WNT7A: variants seen among roughly 807,000 people sequenced by gnomAD.
WNT7A encodes protein Wnt-7a.
WNT7A carries 16 observed loss-of-function variants against 28.2 expected under a neutral mutation model. That is an observed-to-expected ratio of 0.57 (90% confidence interval 0.38 to 0.86). WNT7A has a LOEUF of 0.86. Among genes scored for constraint, WNT7A ranks in the 40% least tolerant of loss-of-function variants. WNT7A has a pLI of 0.00. For synonymous variants in WNT7A, 190 were observed against 195.9 expected, an observed-to-expected ratio of 0.97 and a Z score of 0.25; for missense variants, 411 against 489.7, an observed-to-expected ratio of 0.84 and a Z score of 1.52.
At chr3:13,852,475 G>T (rs536547776) in intron 3 of WNT7A, among the ~76,000 whole-genome samples, 1 of 152,182 alleles carries the variant, frequency 6.6e-6, no homozygotes, top group Non-Finnish European at 1.5e-5. Flanking sequence ...AGTAAATGGC[G>T]TGTTGCAAAA....
At chr3:13,860,295 G>T (rs1238196333) in intron 2 of WNT7A, among the ~76,000 whole-genome samples, 1 of 152,158 alleles carries the variant, frequency 6.6e-6, no homozygotes, top group Non-Finnish European at 1.5e-5. Flanking sequence ...AAGTTGGTCT[G>T]TGTCCTTCCT....
intron 3 of WNT7A, among the ~76,000 whole-genome samples, chr3:13,852,991 G>C (rs1694664329): frequency 6.6e-6 from 1 of 152,162 alleles, no homozygotes; most frequent in East Asian, 1.9e-4. Flanking sequence ...TGGGAGGGCT[G>C]TTCCTGCTCA....
Position 13,819,403 on chromosome 3 carries a change from C to A in WNT7A, c.591G>T (p.Lys197Asn), listed in dbSNP as rs745323554. 2 of 1,613,536 alleles carry A rather than the reference C, an allele frequency of 1.2e-6. No individual in the cohort carries two copies. Among genetic ancestry groups the A allele is most frequent in the Non-Finnish European group, 8.5e-7 (1 of 1,179,960 alleles). The change falls in exon 4 of 4, where the codon AAG (lysine) becomes AAT (asparagine). Residue 197 changes from lysine (K) to asparagine (N), a missense_variant. Coordinates refer to ENST00000285018, the MANE Select transcript of WNT7A (RefSeq NM_004625.4). ...AGRKILEENM[K>N]LECKCHGVSG... ...ACACGCCGTGGCACTTACATTCCAG[C>A]TTCATGTTCTCCTCCAGGATCTGCA...
At chr3:13,827,478 T>C (rs1027434511) in intron 3 of WNT7A, among the ~76,000 whole-genome samples, 2 of 152,278 alleles carry the variant, frequency 1.3e-5, no homozygotes, top group East Asian at 1.9e-4. Context: ...CCGGAATTAC[T>C]CAGGGTGGGG....
rs760406831 is a variant in WNT7A, at chr3:13,818,954, G to C, written c.1040C>G (p.Thr347Arg). The stretch of plus-strand genomic sequence containing the variant: ...GTGTGCACACGGGGCTCACTTGCAC[G>C]TGTACATCTCCGTGCGCTCGCTGCA... ...NTCSERTEMY[T>R]CK is the part of the protein sequence containing the mutation. The change falls in exon 4 of 4, where the codon ACG becomes AGG. Residue 347 changes from threonine (T) to arginine (R), a missense_variant. Thr to Arg is a moderately conservative substitution (Grantham distance 71). Transcript: ENST00000285018. 6.3e-7 allele frequency: 1 copy of C among 1,575,508 alleles called. No individual in the cohort carries two copies. The highest frequency in any genetic ancestry group is 8.7e-7 in the Non-Finnish European group (1 of 1,155,120).
At position 13,879,742 on chromosome 3, in the gene WNT7A, T is replaced by A. The variant is rs878989052; in HGVS notation, c.71+4A>T. 1 of 1,611,770 alleles carries A rather than the reference T, an allele frequency of 6.2e-7. No homozygotes were observed. The highest frequency in any genetic ancestry group is 1.1e-5 in the South Asian group (1 of 90,808). ...CGCGCGGAAAGGGCGCAGGCAGCCC[T>A]TACCCGATCCGGAGGTAGACCATGC... On this transcript the variant is annotated splice_donor_region_variant and intron_variant, in intron 1 of 3. Transcript: ENST00000285018.
chr3:13,831,023 G>T (rs575626209), intron 3 of WNT7A, among the ~76,000 whole-genome samples: 15 of 152,266 alleles, frequency 9.9e-5, no homozygotes, highest in African/African-American at 1.7e-4. Context: ...GGAAGGAGGC[G>T]CTCATAATCA....
In WNT7A at chr3:13,819,248, G is replaced by A; in HGVS notation, c.746C>T (p.Pro249Leu). The A allele has an allele frequency of 6.2e-7, 1 of 1,614,248 alleles. No individual in the cohort carries two copies. Among genetic ancestry groups the A allele is most frequent in the Admixed American group, 1.7e-5 (1 of 60,038 alleles). The change falls in exon 4 of 4, where the codon CCC (proline) becomes CTC (leucine). Residue 249 changes from proline to leucine, a missense_variant. By Grantham distance (98) the Pro-to-Leu change is moderately conservative. Coordinates refer to ENST00000285018, the MANE Select transcript of WNT7A (RefSeq NM_004625.4). The part of the protein sequence containing the change: ...EPVRASRNKR[P>L]TFLKIKKPLS... ...TGGCTTCTTGATCTTCAGGAAGGTG[G>A]GCCGCTTGTTGCGGCTGGCACGCAC...
At chr3:13,846,320 G>C (rs1314651795) in intron 3 of WNT7A, among the ~76,000 whole-genome samples, 1 of 152,212 alleles carries the variant, frequency 6.6e-6, no homozygotes, top group Admixed American at 6.5e-5. Flanking sequence ...AGGATCAGGA[G>C]ACTGTGGGGA....
chr3:13,823,004 A>T (rs1302609589), intron 3 of WNT7A, among the ~76,000 whole-genome samples: 1 of 152,228 alleles, frequency 6.6e-6, no homozygotes, highest in East Asian at 1.9e-4. Flanking sequence ...GGCTCCGATC[A>T]GGTGACATCC....
rs2124823267 is a variant in WNT7A, at chr3:13,818,798, A to G, written c.*146T>C. On this transcript the variant is annotated 3_prime_UTR_variant, in exon 4 of 4. Transcript: ENST00000285018. The stretch of plus-strand genomic sequence containing the variant: ...GGCTCTGAGAGATTTTTTTTCCCCC[A>G]CGGATGCCTGCAGGAAACCCAGGAA... 2.4e-6 allele frequency: 3 copies of G among 1,268,850 alleles called. No individual in the cohort carries two copies. The highest frequency in any genetic ancestry group is 3.3e-5 in the South Asian group (2 of 61,488). The allele number at this position is 1,268,850 out of a possible 1,614,324, so 78.6% of individuals were successfully genotyped here.
rs1694057926 is a variant in WNT7A, at chr3:13,818,725, G to T, written c.*219C>A. On this transcript the variant is annotated 3_prime_UTR_variant, in exon 4 of 4. Transcript: ENST00000285018. ...CCAGCCGCGGAGGGACCTGGGCTGT[G>T]TCTGGGGGAGGGTGGAGCAGCATTG... 3.1e-6 allele frequency: 2 copies of T among 655,726 alleles called. No homozygotes were observed. The highest frequency in any genetic ancestry group is 5.9e-5 in the South Asian group (2 of 33,878). The allele number at this position is 655,726 out of a possible 1,614,324, so 40.6% of individuals were successfully genotyped here.
At chr3:13,863,764 CA>C (rs1398979553) in intron 2 of WNT7A, 1 of 152,200 alleles carries the variant, frequency 6.6e-6, no homozygotes, top group African/African-American at 2.4e-5. Flanking sequence ...GAAAGGTCTT[CA>C]AATCCATCCT....
At chr3:13,825,460 C>T (rs9810066) in intron 3 of WNT7A, among the ~76,000 whole-genome samples, 2,008 of 152,162 alleles carry the variant, frequency 0.013, 47 homozygotes, top group African/African-American at 0.046. Context: ...AACTGGCTCT[C>T]GAAAGAAAAA....
At chr3:13,823,709 C>A (rs1293267159) in intron 3 of WNT7A, among the ~76,000 whole-genome samples, 1 of 152,186 alleles carries the variant, frequency 6.6e-6, no homozygotes, top group Admixed American at 6.5e-5. Flanking sequence ...GCTGAGATAT[C>A]ACAATATATG....
intron 2 of WNT7A, among the ~76,000 whole-genome samples, chr3:13,874,405 G>A (rs896548392): frequency 4.8e-4 from 73 of 152,238 alleles, no homozygotes; most frequent in African/African-American, 1.7e-3. Context: ...CCATAAAACA[G>A]TTGCAAAGTC....
Position 13,818,774 on chromosome 3 carries a change from G to A in WNT7A, c.*170C>T. On this transcript the variant is annotated 3_prime_UTR_variant, in exon 4 of 4. Transcript: ENST00000285018. ...TGGGTGTGGAACAGAATAGTTGAGG[G>A]CTCTGAGAGATTTTTTTTCCCCCAC... 9.8e-7 allele frequency: 1 copy of A among 1,022,472 alleles called. No homozygotes were observed. Among genetic ancestry groups the A allele is most frequent in the East Asian group, 2.7e-5 (1 of 37,622 alleles). The allele number at this position is 1,022,472 out of a possible 1,614,324, so 63.3% of individuals were successfully genotyped here. A position where few individuals can be genotyped will look rare whatever the true frequency, so the allele number is the denominator to read the frequency against.
intron 3 of WNT7A, 142 bp from the exon 4 acceptor site, chr3:13,819,565 C>G (rs1694079368): frequency 1.6e-6 from 2 of 1,221,556 alleles, no homozygotes; most frequent in Non-Finnish European, 2.2e-6. Flanking sequence ...GTAGGAAACT[C>G]AGACCTGGAT....
chr3:13,839,044 T>G (rs1201906748), intron 3 of WNT7A, among the ~76,000 whole-genome samples: 4 of 152,266 alleles, frequency 2.6e-5, no homozygotes, highest in Admixed American at 1.3e-4. Context: ...ATATCTTAGA[T>G]GAAATAAAAT....
Sources: allele counts gnomAD v4.1 joint callset (sites outside exome capture counted in the v4.1 genomes callset), GRCh38; gene constraint gnomAD v4.1.1; transcripts MANE v1.5; gene names NCBI Gene and HGNC (gene_info 2026-07-23, HGNC 2026-07-21).